Variants in MS4A14 observed in about 807,000 individuals in gnomAD.
MS4A14 encodes membrane-spanning 4-domains subfamily A member 14.
In MS4A14, 18 loss-of-function variants were observed where a neutral mutation model predicts 16.7. The observed-to-expected ratio is 1.08, with a 90% confidence interval of 0.75 to 1.60. MS4A14 has a LOEUF of 1.60. Ranked by LOEUF, MS4A14 falls within the 40% of genes most tolerant of loss-of-function variation. MS4A14 has a pLI of 0.00. For missense variants in MS4A14, 812 were observed against 775.3 expected, an observed-to-expected ratio of 1.05 and a Z score of -0.56; for synonymous variants, 305 against 289.4, an observed-to-expected ratio of 1.05 and a Z score of -0.55.
intron 4 of MS4A14, among the ~76,000 whole-genome samples, chr11:60,409,806 C>T (rs2085842080): frequency 2.0e-5 from 3 of 147,844 alleles, no homozygotes; most frequent in Non-Finnish European, 3.0e-5. Context: ...TTCTTTCCTT[C>T]TTTCTTTCTT....
At chr11:60,408,944 T>A (rs1223081832) in intron 4 of MS4A14, among the ~76,000 whole-genome samples, 1 of 152,198 alleles carries the variant, frequency 6.6e-6, no homozygotes, top group Admixed American at 6.5e-5. Context: ...TTCCAATTTC[T>A]CCACATCTCC....
intron 3 of MS4A14, 102 bp downstream of exon 3, chr11:60,400,556 G>T: frequency 1.3e-6 from 1 of 743,146 alleles, no homozygotes; most frequent in South Asian, 2.0e-5. Flanking sequence ...AGGAAAATCT[G>T]TATGCATCAA....
chr11:60,404,407 G>C, intron 4 of MS4A14: 2 of 400,730 alleles, frequency 5.0e-6, no homozygotes, highest in South Asian at 1.9e-5. Flanking sequence ...ACTGTGGCTA[G>C]AGTAATCATT....
chr11:60,407,467 T>C (rs1202821376), intron 4 of MS4A14, among the ~76,000 whole-genome samples: 3 of 152,246 alleles, frequency 2.0e-5, no homozygotes, highest in African/African-American at 4.8e-5. Context: ...CGAGATCGTA[T>C]GGTAACCAGA....
At position 60,417,112 on chromosome 11, in the gene MS4A14, A is replaced by C. The variant is rs558215766; in HGVS notation, c.*104A>C. Reference sequence around the variant, plus strand: ...TAGAGAAAGAAGCCCTAAAGCAGAAAGCTCTATACCAAGAAGTCCAAACCC... The same window carrying C: ...TAGAGAAAGAAGCCCTAAAGCAGAACGCTCTATACCAAGAAGTCCAAACCC... On this transcript the variant is annotated 3_prime_UTR_variant, in exon 5 of 5. Coordinates refer to ENST00000300187, the MANE Select transcript of MS4A14 (RefSeq NM_032597.5). The C allele has an allele frequency of 2.8e-6, 4 of 1,414,882 alleles. No individual in the cohort carries two copies. The East Asian group carries it at 7.2e-5, about 26-fold the overall frequency. 87.6% of individuals were successfully genotyped at this position (1,414,882 alleles called of 1,614,324 possible).
chr11:60,402,917 A>G lies in MS4A14; in HGVS notation c.324A>G (p.Gln108=), dbSNP rs766556751. Residue 108 remains glutamine, a synonymous_variant, in exon 4 of 5, where the codon CAA becomes CAG. Coordinates refer to ENST00000300187, the MANE Select transcript of MS4A14 (RefSeq NM_032597.5). The part of the protein sequence containing the change: ...VTDKKSKLLG[Q]GVTGMNVISS... ...ATTTTTAAACTATCTTTCAGGGTCA[A>G]GGTGTCACGGGCATGAATGTTATCA... 6.2e-6 allele frequency: 10 copies of G among 1,613,356 alleles called. No homozygotes were observed. The highest frequency in any genetic ancestry group is 8.5e-7 in the Non-Finnish European group (1 of 1,179,636).
Position 60,415,571 on chromosome 11 carries a change from C to A in MS4A14, c.603C>A (p.Ile201=), listed in dbSNP as rs775590615. 2.0e-5 allele frequency: 32 copies of A among 1,613,660 alleles called. No individual in the cohort carries two copies. The highest frequency in any genetic ancestry group is 2.6e-5 in the Non-Finnish European group (31 of 1,179,788). Residue 201 remains isoleucine, a synonymous_variant, in exon 5 of 5, where the codon ATC becomes ATA. Transcript: ENST00000300187. ...CAACAACAAATGCACAATCTGTTAT[C>A]TTTGGAGGCTATGCTTTCTTCAAGT... The part of the protein sequence containing the change: ...DDSTTNAQSV[I]FGGYAFFKLT...
At chr11:60,413,508 T>A (rs1338619386) in intron 4 of MS4A14, among the ~76,000 whole-genome samples, 1 of 151,948 alleles carries the variant, frequency 6.6e-6, no homozygotes, top group East Asian at 1.9e-4. Flanking sequence ...CATGAATGGG[T>A]ATTGGCTTTT....
intron 1 of MS4A14, among the ~76,000 whole-genome samples, chr11:60,397,077 A>G (rs771530624): frequency 1.1e-4 from 17 of 152,180 alleles, no homozygotes; most frequent in Non-Finnish European, 1.6e-4. Flanking sequence ...ATGATAAGGC[A>G]TGCAAAACGT....
intron 4 of MS4A14, 45 bp from the exon 5 acceptor site, chr11:60,415,392 G>A: frequency 6.6e-7 from 1 of 1,523,890 alleles, no homozygotes; most frequent in Non-Finnish European, 8.8e-7. Flanking sequence ...AAAAAAATCA[G>A]ACATGATTCT....
rs371774895 is a variant in MS4A14, at chr11:60,415,457, G to A, written c.489G>A (p.Ser163=). Residue 163 remains serine, a synonymous_variant, in exon 5 of 5, where the codon TCG becomes TCA. Transcript: ENST00000300187. The part of the protein sequence containing the change: ...TLFIVLFFLP[S]DVTQNSEQPA... ...TATAGGTTCTGTTTTTCTTGCCTTC[G>A]GATGTTACTCAAAATAGTGAACAAC... is the stretch of plus-strand genomic sequence containing the variant. 49 of 1,608,736 alleles carry A rather than the reference G, an allele frequency of 3.0e-5. No homozygotes were observed. Among genetic ancestry groups the A allele is most frequent in the African/African-American group, 8.1e-5 (6 of 74,532 alleles).
intron 1 of MS4A14, 84 bp from the exon 2 acceptor site, chr11:60,397,768 A>G (rs1200263664): frequency 6.0e-6 from 8 of 1,331,168 alleles, no homozygotes; most frequent in Middle Eastern, 1.9e-4. Flanking sequence ...AAGGTGTGCC[A>G]TGGAGGCACA....
rs779092522 is a variant in MS4A14 at position 60,402,920 on chromosome 11, T to TGTCACG, written c.329_334dup (p.Val110_Thr111dup). Reference sequence around the variant, plus strand: ...TTTAAACTATCTTTCAGGGTCAAGGTGTCACGGGCATGAATGTTATCAGCT... The same window carrying TGTCACG: ...TTTAAACTATCTTTCAGGGTCAAGGTGTCACGGTCACGGGCATGAATGTTATCAGCT... On this transcript the variant is annotated inframe_insertion, in exon 4 of 5. Coordinates refer to ENST00000300187, the MANE Select transcript of MS4A14 (RefSeq NM_032597.5). 6.2e-7 allele frequency: 1 copy of TGTCACG among 1,613,566 alleles called. No homozygotes were observed. The highest frequency in any genetic ancestry group is 1.1e-5 in the South Asian group (1 of 91,000).
chr11:60,405,684 C>T (rs564592894), intron 4 of MS4A14, among the ~76,000 whole-genome samples: 3 of 152,202 alleles, frequency 2.0e-5, no homozygotes, highest in African/African-American at 7.2e-5. Flanking sequence ...CAATGACTGC[C>T]CAGCTCCCAT....
chr11:60,410,986 T>C (rs565428126), intron 4 of MS4A14, among the ~76,000 whole-genome samples: 15 of 152,052 alleles, frequency 9.9e-5, no homozygotes, highest in Middle Eastern at 3.4e-3. Flanking sequence ...GCTGGGACTA[T>C]AGGCGCATGC....
intron 4 of MS4A14, among the ~76,000 whole-genome samples, chr11:60,409,780 T>G (rs1190490200): frequency 6.6e-6 from 1 of 151,572 alleles, no homozygotes; most frequent in Non-Finnish European, 1.5e-5. Flanking sequence ...GCCATCTTTT[T>G]TCTTTCTTTC....
intron 4 of MS4A14, among the ~76,000 whole-genome samples, chr11:60,405,277 C>G (rs952353833): frequency 2.6e-5 from 4 of 151,230 alleles, no homozygotes; most frequent in Admixed American, 6.6e-5. Context: ...CGGGGTTTCT[C>G]CATGTTGGTC....
rs753050956 is a variant in MS4A14 at position 60,416,147 on chromosome 11, C to T, written c.1179C>T (p.His393=). 53 of 1,612,096 alleles carry T rather than the reference C, an allele frequency of 3.3e-5. No individual in the cohort carries two copies. Among genetic ancestry groups the T allele is most frequent in the Middle Eastern group, 1.6e-4 (1 of 6,082 alleles). The stretch of plus-strand genomic sequence containing the variant: ...TGCTATCTCAAGACACACCATCCCA[C>T]GCCATGCCACCTCAAGACATACCTT... ...LDMLSQDTPS[H]AMPPQDIPSQ... The change falls in exon 5 of 5, where the codon CAC becomes CAT. Residue 393 remains histidine, a synonymous_variant. Coordinates refer to ENST00000300187, the MANE Select transcript of MS4A14 (RefSeq NM_032597.5).
At position 60,416,268 on chromosome 11, in the gene MS4A14, C is replaced by A; in HGVS notation, c.1300C>A (p.Leu434Ile). The A allele has an allele frequency of 1.2e-6, 2 of 1,614,032 alleles. No individual in the cohort carries two copies. Among genetic ancestry groups the A allele is most frequent in the Non-Finnish European group, 1.7e-6 (2 of 1,179,972 alleles). Residue 434 changes from leucine (L) to isoleucine (I), a missense_variant, in exon 5 of 5, where the codon CTT (leucine) becomes ATT (isoleucine). Transcript: ENST00000300187. ...IVQFPEIQHLLQQPPDLQPEN... is the reference protein window; with the variant it reads ...IVQFPEIQHLIQQPPDLQPEN... ...GCAGTTCCCTGAAATACAACACCTA[C>A]TTCAGCAGCCCCCAGATCTTCAACC...
Sources: gnomAD v4.1 joint callset for allele counts (sites outside exome capture counted in the v4.1 genomes callset) on GRCh38, gnomAD v4.1.1 for gene constraint, MANE v1.5 for transcripts, NCBI Gene and HGNC (gene_info 2026-07-23, HGNC 2026-07-21) for gene names.